PLEK: variants seen among roughly 807,000 people sequenced by gnomAD.
PLEK encodes pleckstrin, also known as platelet 47 kDa protein.
Under a neutral mutation model 43.9 loss-of-function variants are expected in PLEK, and 25 were observed. The observed-to-expected ratio is 0.57, with a 90% CI of 0.41 to 0.79. The LOEUF is 0.79. PLEK is among the 30% of genes least tolerant of loss of function. The pLI, the probability that PLEK is intolerant of heterozygous loss-of-function variation, is 0.00. For synonymous variants in PLEK, 152 were observed against 144.4 expected (o/e 1.05, Z -0.38); for missense variants, 396 against 413.3 (o/e 0.96, Z 0.36).
Position 68,386,510 on chromosome 2 carries a change from G to C in PLEK, c.481G>C (p.Val161Leu), listed in dbSNP as rs146448709. The C allele has an allele frequency of 2.8e-5, 45 of 1,613,506 alleles. No homozygotes were observed. The East Asian group carries it at 9.8e-4, about 35-fold the overall frequency. ...IFNHCFTGNC[V>L]IDWLVSNQSV... is the part of the protein sequence containing the mutation. ...GTGCTGGTCCCATCTAGGTAACTGC[G>C]TCATTGATTGGCTGGTATCCAACCA... The change falls in exon 5 of 9, where the codon GTC (valine) becomes CTC (leucine). Residue 161 changes from valine (V) to leucine (L), a missense_variant. Coordinates refer to ENST00000234313, the MANE Select transcript of PLEK (RefSeq NM_002664.3).
At position 68,386,550 on chromosome 2, in the gene PLEK, G is replaced by A. The variant is rs570758970; in HGVS notation, c.521G>A (p.Arg174His). The A allele has an allele frequency of 2.5e-5, 40 of 1,613,580 alleles. No individual in the cohort carries two copies. In the Admixed American group the frequency reaches 2.7e-4, roughly 11 times the overall value. Residue 174 changes from arginine to histidine, a missense_variant, in exon 5 of 9, where the codon CGC (arginine) becomes CAC (histidine). Coordinates refer to ENST00000234313, the MANE Select transcript of PLEK (RefSeq NM_002664.3). ...WLVSNQSVRN[R>H]QEGLMIASSL... ...GTATCCAACCAGTCTGTTAGGAATCGCCAGGAAGGCCTCATGATTGCTTCA... is the reference window on the plus strand; with the variant it reads ...GTATCCAACCAGTCTGTTAGGAATCACCAGGAAGGCCTCATGATTGCTTCA...
At chr2:68,378,062 A>C (rs10209878) in intron 1 of PLEK, among the ~76,000 whole-genome samples, 54,993 of 152,070 alleles carry the variant, frequency 0.36, 10,947 homozygotes, top group East Asian at 0.73. Flanking sequence ...TATGTATTTA[A>C]AGATATATAC....
rs1673642472 is a variant in PLEK at position 68,382,447 on chromosome 2, T to C, written c.381-95T>C. On this transcript the variant is annotated intron_variant, in intron 3 of 8. Transcript: ENST00000234313. ...TGGGGTGGGGGAGCTTGTGCTCACC[T>C]CCCAGAGAGAACTTACCATTCTGAA... 12 of 718,782 alleles carry C rather than the reference T, an allele frequency of 1.7e-5. 1 individual carries two copies. The South Asian group carries it at 2.0e-4, about 12-fold the overall frequency. The allele number at this position is 718,782 out of a possible 1,614,324, so 44.5% of individuals were successfully genotyped here. A position where few individuals can be genotyped will look rare whatever the true frequency, so the allele number is the denominator to read the frequency against.
chr2:68,372,319 G>A (rs947479496), intron 1 of PLEK, among the ~76,000 whole-genome samples: 1 of 151,864 alleles, frequency 6.6e-6, no homozygotes, highest in Non-Finnish European at 1.5e-5. Context: ...GACCGTAGGT[G>A]TGCATCACCA....
intron 4 of PLEK, among the ~76,000 whole-genome samples, chr2:68,384,429 T>A (rs1428817918): frequency 1.3e-5 from 2 of 152,120 alleles, no homozygotes; most frequent in African/African-American, 4.8e-5. Flanking sequence ...TTCACCATGT[T>A]GGCCAGACTG....
At chr2:68,372,682 T>TAC (rs1558496232) in intron 1 of PLEK, among the ~76,000 whole-genome samples, 1 of 151,932 alleles carries the variant, frequency 6.6e-6, no homozygotes, top group Non-Finnish European at 1.5e-5. Context: ...ACATATATGC[T>TAC]ACACACACAC....
intron 1 of PLEK, among the ~76,000 whole-genome samples, chr2:68,368,487 C>T (rs772642147): frequency 7.2e-5 from 11 of 152,166 alleles, no homozygotes; most frequent in Non-Finnish European, 1.3e-4. Flanking sequence ...CTCATTGATC[C>T]CAGGCAGCAT....
At chr2:68,366,414 C>T (rs373414791) in intron 1 of PLEK, among the ~76,000 whole-genome samples, 1 of 152,232 alleles carries the variant, frequency 6.6e-6, no homozygotes, top group African/African-American at 2.4e-5. Context: ...TGGCCTAATT[C>T]CTTCATTTGC....
intron 1 of PLEK, among the ~76,000 whole-genome samples, chr2:68,369,299 G>A (rs1673344806): frequency 6.6e-6 from 1 of 152,168 alleles, no homozygotes. Flanking sequence ...ATAAGTGGCA[G>A]AGCTGGTTTG....
intron 6 of PLEK, among the ~76,000 whole-genome samples, chr2:68,392,251 A>T (rs1272053590): frequency 3.4e-5 from 5 of 147,098 alleles, no homozygotes; most frequent in Non-Finnish European, 7.4e-5. Context: ...TTACAGCAAC[A>T]GGCATTTCCA....
At position 68,386,563 on chromosome 2, in the gene PLEK, C is replaced by T. The variant is rs1673747387; in HGVS notation, c.534C>T (p.Leu178=). 6.2e-7 allele frequency: 1 copy of T among 1,613,700 alleles called. No homozygotes were observed. Among genetic ancestry groups the T allele is most frequent in the Non-Finnish European group, 8.5e-7 (1 of 1,179,732 alleles). ...NQSVRNRQEG[L]MIASSLLNEG... is the part of the protein sequence containing the mutation. ...CTGTTAGGAATCGCCAGGAAGGCCT[C>T]ATGATTGCTTCATCGCTGCTCAATG... Residue 178 remains leucine, a synonymous_variant, in exon 5 of 9, where the codon CTC becomes CTT. Transcript: ENST00000234313.
At chr2:68,372,675 T>C (rs10197292) in intron 1 of PLEK, among the ~76,000 whole-genome samples, 80,401 of 151,976 alleles carry the variant, frequency 0.53, 22,866 homozygotes, top group East Asian at 0.76. Flanking sequence ...TGAAAACACA[T>C]ATATGCTACA....
At chr2:68,372,177 A>ATTTTTT (rs57326035) in intron 1 of PLEK, among the ~76,000 whole-genome samples, 6 of 148,358 alleles carry the variant, frequency 4.0e-5, no homozygotes, top group Non-Finnish European at 3.0e-5. Context: ...AGAGAAGTTC[A>ATTTTTT]TTTTTTTTTT....
rs534997243 is a variant in PLEK at position 68,396,609 on chromosome 2, G to A, written c.*793G>A. On this transcript the variant is annotated 3_prime_UTR_variant, in exon 9 of 9. Transcript: ENST00000234313. ...CCACTCTGGTTTTAGGCTGATCTGA[G>A]AGGGTCTCCCTTTGTTCCTTTCTGG... The A allele has an allele frequency of 2.4e-4, 37 of 152,258 alleles. No individual in the cohort carries two copies. Among genetic ancestry groups the A allele is most frequent in the Admixed American group, 9.8e-4 (15 of 15,284 alleles). The allele number at this position is 152,258 out of a possible 1,614,324, so 9.4% of individuals were successfully genotyped here. A position where few individuals can be genotyped will look rare whatever the true frequency, so the allele number is the denominator to read the frequency against.
intron 6 of PLEK, among the ~76,000 whole-genome samples, chr2:68,392,949 C>A (rs2103786209): frequency 6.6e-6 from 1 of 152,226 alleles, no homozygotes; most frequent in East Asian, 1.9e-4. Context: ...TAATTTAATC[C>A]ACCTCTTCGA....
At position 68,371,139 on chromosome 2, in the gene PLEK, A is replaced by G. The variant is rs140793814; in HGVS notation, c.42+5746A>G. 8.1e-3 allele frequency among the ~76,000 whole-genome samples: 1,236 copies of G among 152,352 alleles called. 8 individuals are homozygous for G. Among genetic ancestry groups the G allele is most frequent in the Non-Finnish European group, 0.014 (935 of 68,032 alleles). ...GGTAGAAAGAGATGTTACAGATTTA[A>G]TACAGCTTCTCATCTGCAGCTTGCA... On this transcript the variant is annotated intron_variant, in intron 1 of 8. Transcript: ENST00000234313.
chr2:68,374,284 C>T (rs901844418), intron 1 of PLEK, among the ~76,000 whole-genome samples: 2 of 152,148 alleles, frequency 1.3e-5, no homozygotes, highest in Non-Finnish European at 2.9e-5. Flanking sequence ...TCTAATACAC[C>T]TTTTACATTC....
chr2:68,392,283 G>A (rs1274406159), intron 6 of PLEK, among the ~76,000 whole-genome samples: 1 of 149,054 alleles, frequency 6.7e-6, no homozygotes, highest in African/African-American at 2.6e-5. Flanking sequence ...GCTACCTAAG[G>A]TTTAGTTCCT....
At chr2:68,378,117 A>C (rs1013274088) in intron 1 of PLEK, among the ~76,000 whole-genome samples, 1 of 152,212 alleles carries the variant, frequency 6.6e-6, no homozygotes, top group African/African-American at 2.4e-5. Flanking sequence ...AGCATATGGC[A>C]TGCATTATAC....
Sources: gnomAD v4.1 joint callset for allele counts (sites outside exome capture counted in the v4.1 genomes callset) on GRCh38, gnomAD v4.1.1 for gene constraint, MANE v1.5 for transcripts, NCBI Gene and HGNC (gene_info 2026-07-23, HGNC 2026-07-21) for gene names.